OR7D2: variants seen among roughly 807,000 people sequenced by gnomAD.
The protein encoded by OR7D2 is olfactory receptor 7D2.
For synonymous variants in OR7D2, 158 were observed against 158.7 expected, an observed-to-expected ratio of 1.00 and a Z score of 0.03; for missense variants, 370 against 384.1, an observed-to-expected ratio of 0.96 and a Z score of 0.31.
intron 2 of OR7D2, among the ~76,000 whole-genome samples, chr19:9,184,158 G>C (rs1054582741): frequency 1.3e-5 from 2 of 151,936 alleles, no homozygotes; most frequent in African/African-American, 2.4e-5. Context: ...ACTTTGGGAG[G>C]CCAAGGCGGG....
Position 9,186,919 on chromosome 19 carries a change from C to CA in OR7D2, c.*200dup. The stretch of plus-strand genomic sequence containing the variant: ...AATTACCTGAATAGTGAACATAAGG[C>CA]ACTTTTTTTTCTTTTTTGAGACGGA... On this transcript the variant is annotated 3_prime_UTR_variant, in exon 3 of 3. Coordinates refer to ENST00000641288, the MANE Select transcript of OR7D2 (RefSeq NM_175883.4). The CA allele has an allele frequency of 2.1e-6, 1 of 466,300 alleles. No individual in the cohort carries two copies. The highest frequency in any genetic ancestry group is 3.8e-6 in the Non-Finnish European group (1 of 266,214). 28.9% of individuals were successfully genotyped at this position (466,300 alleles called of 1,614,324 possible).
chr19:9,181,444 CTTTTTTT>C (rs911771352), intron 2 of OR7D2, among the ~76,000 whole-genome samples: 39 of 77,962 alleles, frequency 5.0e-4, no homozygotes, highest in African/African-American at 1.8e-3. Flanking sequence ...ATTTCCTAGA[CTTTTTTT>C]TTTTTTTTTT....
At chr19:9,183,118 C>T (rs1387473139) in intron 2 of OR7D2, 1 of 249,278 alleles carries the variant, frequency 4.0e-6, no homozygotes, top group Non-Finnish European at 8.4e-6. Context: ...CCACAGCCAG[C>T]GCAGCAGGGT....
chr19:9,181,103 C>T (rs2050986436), intron 2 of OR7D2, among the ~76,000 whole-genome samples: 1 of 150,886 alleles, frequency 6.6e-6, no homozygotes, highest in Admixed American at 6.6e-5. Flanking sequence ...TCAGCCTGGG[C>T]AACAGACCCA....
chr19:9,180,200 C>CT (rs145692213), intron 1 of OR7D2, among the ~76,000 whole-genome samples: 115 of 145,852 alleles, frequency 7.9e-4, no homozygotes, highest in Middle Eastern at 3.5e-3. Context: ...TTTAAGTTGA[C>CT]TTTTTTTTTT....
rs375591975 is a variant in OR7D2 at position 9,186,811 on chromosome 19, CA to C, written c.*92del. ...AATTCTTACTCTTTAAAATTAAAAA[CA>C]TTTTTTTATACTTTGAGAGTACAAA... On this transcript the variant is annotated 3_prime_UTR_variant, in exon 3 of 3. Transcript: ENST00000641288. 8.0e-4 allele frequency: 719 copies of C among 896,524 alleles called. 1 individual carries two copies. Among genetic ancestry groups the C allele is most frequent in the Middle Eastern group, 7.5e-3 (33 of 4,410 alleles). 55.5% of individuals were successfully genotyped at this position (896,524 alleles called of 1,614,324 possible).
Position 9,186,732 on chromosome 19 carries a change from G to C in OR7D2, c.*12G>C. ...CCTCTTGTTTGTGATGGATCCCTTG[G>C]CCCCAGGACTAAGAAGTTTTGTGAG... On this transcript the variant is annotated 3_prime_UTR_variant, in exon 3 of 3. Transcript: ENST00000641288. 6.5e-7 allele frequency: 1 copy of C among 1,550,020 alleles called. No individual in the cohort carries two copies. The highest frequency in any genetic ancestry group is 8.7e-7 in the Non-Finnish European group (1 of 1,149,030).
intron 2 of OR7D2, among the ~76,000 whole-genome samples, chr19:9,181,272 TATA>T (rs1227436000): frequency 1.3e-5 from 2 of 150,018 alleles, no homozygotes; most frequent in Non-Finnish European, 1.5e-5. Flanking sequence ...ATAGCATTAA[TATA>T]ATACTATAAA....
intron 2 of OR7D2, among the ~76,000 whole-genome samples, chr19:9,183,955 C>CCAAAAAA (rs2051010171): frequency 5.1e-5 from 1 of 19,446 alleles, no homozygotes; most frequent in Admixed American, 1.0e-3. Flanking sequence ...GACTCCGTCT[C>CCAAAAAA]AAAAAAAAAA....
chr19:9,183,439 C>G (rs914096638), intron 2 of OR7D2, among the ~76,000 whole-genome samples: 2 of 152,068 alleles, frequency 1.3e-5, no homozygotes, highest in Admixed American at 6.5e-5. Flanking sequence ...CCATGCCCAG[C>G]TAATTTGGTT....
chr19:9,180,490 A>T (rs2050982129), intron 1 of OR7D2, among the ~76,000 whole-genome samples: 1 of 152,104 alleles, frequency 6.6e-6, no homozygotes, highest in Non-Finnish European at 1.5e-5. Context: ...CTATTCACGC[A>T]TATACTTTGT....
chr19:9,182,488 C>CTTTATTTATTTATTTATTTA (rs145113847), intron 2 of OR7D2: 3,686 of 226,766 alleles, frequency 0.016, 62 homozygotes, highest in South Asian at 0.027. Context: ...TACATGCATA[C>CTTTATTTATTTATTTATTTA]TTTATTTATT....
In OR7D2 at chr19:9,187,390, A is replaced by G. The variant is rs1447671031; in HGVS notation, c.*670A>G. On this transcript the variant is annotated 3_prime_UTR_variant, in exon 3 of 3. Transcript: ENST00000641288. Reference sequence around the variant, plus strand: ...TCCAGTCCCATCGATGTTGCTGCAAAAGACATGATTTCATCCTTTTTTATG... The same window carrying G: ...TCCAGTCCCATCGATGTTGCTGCAAGAGACATGATTTCATCCTTTTTTATG... 6.0e-6 allele frequency: 1 copy of G among 166,366 alleles called. No homozygotes were observed. The highest frequency in any genetic ancestry group is 1.5e-5 in the Non-Finnish European group (1 of 68,152). The allele number at this position is 166,366 out of a possible 1,614,324, so 10.3% of individuals were successfully genotyped here. A position where few individuals can be genotyped will look rare whatever the true frequency, so the allele number is the denominator to read the frequency against.
intron 2 of OR7D2, among the ~76,000 whole-genome samples, chr19:9,185,049 G>C (rs2051020336): frequency 6.6e-6 from 1 of 152,008 alleles, no homozygotes; most frequent in Admixed American, 6.6e-5. Flanking sequence ...AAATGAAGAA[G>C]ATGTAGGATA....
chr19:9,183,953 C>A (rs1186300538), intron 2 of OR7D2, among the ~76,000 whole-genome samples: 1 of 36,046 alleles, frequency 2.8e-5, no homozygotes. Context: ...AAGACTCCGT[C>A]TCAAAAAAAA....
chr19:9,179,564 T>C (rs998483544), intron 1 of OR7D2, among the ~76,000 whole-genome samples: 4 of 151,600 alleles, frequency 2.6e-5, no homozygotes, highest in Non-Finnish European at 5.9e-5. Flanking sequence ...AAAGATTCTA[T>C]TGCAACTGTT....
At position 9,186,731 on chromosome 19, in the gene OR7D2, G is replaced by C. The variant is rs758729578; in HGVS notation, c.*11G>C. On this transcript the variant is annotated 3_prime_UTR_variant, in exon 3 of 3. Transcript: ENST00000641288. Reference sequence around the variant, plus strand: ...GCCTCTTGTTTGTGATGGATCCCTTGGCCCCAGGACTAAGAAGTTTTGTGA... The same window carrying C: ...GCCTCTTGTTTGTGATGGATCCCTTCGCCCCAGGACTAAGAAGTTTTGTGA... The C allele has an allele frequency of 1.0e-5, 16 of 1,568,116 alleles. No individual in the cohort carries two copies. Among genetic ancestry groups the C allele is most frequent in the Middle Eastern group, 1.7e-4 (1 of 5,882 alleles).
chr19:9,186,794 C>A lies in OR7D2; in HGVS notation c.*74C>A. ...AAAATGTTTTATTTTGAAATTCTTA[C>A]TCTTTAAAATTAAAAACATTTTTTT... On this transcript the variant is annotated 3_prime_UTR_variant, in exon 3 of 3. Coordinates refer to ENST00000641288, the MANE Select transcript of OR7D2 (RefSeq NM_175883.4). The A allele has an allele frequency of 1.9e-6, 2 of 1,042,660 alleles. No homozygotes were observed. Among genetic ancestry groups the A allele is most frequent in the South Asian group, 1.8e-5 (1 of 55,294 alleles). The allele number at this position is 1,042,660 out of a possible 1,614,324, so 64.6% of individuals were successfully genotyped here. A position where few individuals can be genotyped will look rare whatever the true frequency, so the allele number is the denominator to read the frequency against.
chr19:9,182,512 A>ATTTATTTATTTATTTAT (rs376298375), intron 2 of OR7D2: 1 of 203,158 alleles, frequency 4.9e-6, no homozygotes, highest in African/African-American at 2.4e-5. Context: ...TTATTTATTT[A>ATTTATTTATTTATTTAT]TTATCATTAT....
Sources: gnomAD v4.1 joint callset for allele counts (sites outside exome capture counted in the v4.1 genomes callset) on GRCh38, gnomAD v4.1.1 for gene constraint, MANE v1.5 for transcripts, NCBI Gene and HGNC (gene_info 2026-07-23, HGNC 2026-07-21) for gene names.